Variants in MTUS2 observed in about 807,000 individuals in gnomAD.
MTUS2 encodes microtubule-associated tumor suppressor candidate 2.
MTUS2 carries 40 observed loss-of-function variants against 114.1 expected under a neutral mutation model. The ratio of observed to expected loss-of-function variants is 0.35; its 90% CI spans 0.27 to 0.46. The LOEUF (loss-of-function observed/expected upper bound fraction) is 0.46, where lower values mean the gene tolerates loss of function less well. Among genes scored for constraint, MTUS2 ranks in the 20% least tolerant of loss-of-function variants. The pLI is 1.00. For synonymous variants in MTUS2, 688 were observed against 672.0 expected, an observed-to-expected ratio of 1.02 and a Z score of -0.37; for missense variants, 1,679 against 1,705.4, an observed-to-expected ratio of 0.98 and a Z score of 0.27.
intron 6 of MTUS2, among the ~76,000 whole-genome samples, chr13:29,285,856 CA>C (rs1305573122): frequency 1.3e-5 from 2 of 152,076 alleles, no homozygotes; most frequent in Non-Finnish European, 2.9e-5. Context: ...GAAATTCAAA[CA>C]AAAATTCAAA....
chr13:28,940,947 A>G lies in MTUS2; in HGVS notation c.-242-83510A>G, dbSNP rs112224805. Among the ~76,000 whole-genome samples the G allele has an allele frequency of 8.2e-3, 1,245 of 152,240 alleles. 20 individuals are homozygous for G. The highest frequency in any genetic ancestry group is 0.027 in the African/African-American group (1,129 of 41,550). ...GTACCATAAAAACATTAACCCAAAA[A>G]AAGCTAGGGTAACTATACTGTTACC... is the stretch of plus-strand genomic sequence containing the variant. On this transcript the variant is annotated intron_variant, in intron 2 of 15. Transcript: ENST00000612955.
At chr13:28,841,268 G>C (rs1875461824) in intron 2 of MTUS2, among the ~76,000 whole-genome samples, 1 of 152,216 alleles carries the variant, frequency 6.6e-6, no homozygotes, top group Non-Finnish European at 1.5e-5. Context: ...AATACTTTGG[G>C]GCCAGATTTA....
chr13:29,047,674 C>T (rs4769673), intron 4 of MTUS2, among the ~76,000 whole-genome samples: 147,609 of 152,154 alleles, frequency 0.97, 71,627 homozygotes, highest in Non-Finnish European at 0.98. Context: ...CCACCTCGCC[C>T]GGCTAATTTT....
At chr13:28,966,743 A>C (rs893960310) in intron 2 of MTUS2, among the ~76,000 whole-genome samples, 10 of 151,670 alleles carry the variant, frequency 6.6e-5, no homozygotes, top group African/African-American at 1.7e-4. Context: ...AAAAAAAAAA[A>C]AAAAACAAAG....
At chr13:28,924,738 G>A (rs1020492640) in intron 2 of MTUS2, among the ~76,000 whole-genome samples, 1 of 152,166 alleles carries the variant, frequency 6.6e-6, no homozygotes, top group Admixed American at 6.5e-5. Context: ...CCTTGAAGCA[G>A]TGCCCAAGAC....
intron 8 of MTUS2, among the ~76,000 whole-genome samples, chr13:29,375,606 T>A (rs1467047242): frequency 0.029 from 132 of 4,514 alleles, 30 homozygotes; most frequent in East Asian, 0.21. Context: ...TATATATATA[T>A]ACGTATATAT....
At chr13:28,884,650 A>G (rs1353573197) in intron 2 of MTUS2, among the ~76,000 whole-genome samples, 1 of 152,234 alleles carries the variant, frequency 6.6e-6, no homozygotes, top group Non-Finnish European at 1.5e-5. Context: ...ATTTGAAGCT[A>G]GTGAAATCTG....
intron 4 of MTUS2, among the ~76,000 whole-genome samples, chr13:29,061,744 G>T (rs764307289): frequency 2.6e-5 from 4 of 152,164 alleles, no homozygotes; most frequent in Non-Finnish European, 4.4e-5. Context: ...GAGGATCATA[G>T]CCCTTTGCTG....
chr13:28,989,992 T>C (rs1451983481), intron 2 of MTUS2, among the ~76,000 whole-genome samples: 2 of 152,106 alleles, frequency 1.3e-5, no homozygotes, highest in East Asian at 3.9e-4. Context: ...CCTACCCTAC[T>C]TTCCTAACCA....
intron 3 of MTUS2, 37 bp downstream of exon 3, chr13:29,026,940 A>G (rs958150438): frequency 6.6e-7 from 1 of 1,516,240 alleles, no homozygotes; most frequent in Non-Finnish European, 8.8e-7. Context: ...CTATAAGTTG[A>G]CTGTCCCAAT....
At chr13:28,834,016 A>G (rs1874891846) in intron 1 of MTUS2, among the ~76,000 whole-genome samples, 1 of 143,066 alleles carries the variant, frequency 7.0e-6, no homozygotes, top group Non-Finnish European at 1.6e-5. Context: ...GTTAAAAGAA[A>G]TTAAAGATAA....
At chr13:29,212,595 A>C (rs1035602325) in intron 5 of MTUS2, among the ~76,000 whole-genome samples, 14 of 152,326 alleles carry the variant, frequency 9.2e-5, no homozygotes, top group African/African-American at 3.4e-4. Context: ...AGGTTCTCAC[A>C]ATCTTCTCCT....
At position 29,390,178 on chromosome 13, in the gene MTUS2, T is replaced by TG. The variant is rs1566175317; in HGVS notation, c.3117+30705_3117+30706insG. On this transcript the variant is annotated intron_variant, in intron 8 of 15. Transcript: ENST00000612955. ...CACACACACTTGTGTGTGTGTGTGTTTATGAATATATATTTTTTCTAATGG... is the reference window on the plus strand; with the variant it reads ...CACACACACTTGTGTGTGTGTGTGTTGTATGAATATATATTTTTTCTAATGG... Among the ~76,000 whole-genome samples the TG allele has an allele frequency of 3.3e-4, 44 of 131,612 alleles. 6 individuals are homozygous for TG. Among genetic ancestry groups the TG allele is most frequent in the East Asian group, 3.1e-3 (13 of 4,168 alleles). 86.3% of individuals were successfully genotyped at this position (131,612 alleles called of 152,430 possible).
intron 7 of MTUS2, among the ~76,000 whole-genome samples, chr13:29,341,417 T>A (rs1901390438): frequency 6.6e-6 from 1 of 152,174 alleles, no homozygotes; most frequent in African/African-American, 2.4e-5. Context: ...ATGATGAGCA[T>A]TTTTTCATGT....
intron 5 of MTUS2, among the ~76,000 whole-genome samples, chr13:29,270,630 T>C (rs1477935270): frequency 6.6e-6 from 1 of 152,188 alleles, no homozygotes; most frequent in Non-Finnish European, 1.5e-5. Flanking sequence ...GGAGGAACAA[T>C]GTGGACAGGC....
intron 2 of MTUS2, among the ~76,000 whole-genome samples, chr13:28,931,201 C>G (rs1881597423): frequency 6.6e-6 from 1 of 152,092 alleles, no homozygotes; most frequent in Admixed American, 6.6e-5. Context: ...GGTTCTGCAT[C>G]CGTGGATTCA....
At chr13:29,451,478 A>G (rs1175584607) in intron 9 of MTUS2, among the ~76,000 whole-genome samples, 1 of 152,224 alleles carries the variant, frequency 6.6e-6, no homozygotes, top group Non-Finnish European at 1.5e-5. Context: ...AACAATATTT[A>G]GAGGGCACCA....
At chr13:29,498,285 C>T in intron 13 of MTUS2, 133 bp from the exon 14 acceptor site, 1 of 1,275,526 alleles carries the variant, frequency 7.8e-7, no homozygotes, top group Non-Finnish European at 1.1e-6. Context: ...TGAGCATCCT[C>T]TCTCTTTGGT....
intron 6 of MTUS2, among the ~76,000 whole-genome samples, chr13:29,290,255 G>A (rs1397417832): frequency 6.6e-5 from 10 of 152,154 alleles, no homozygotes; most frequent in Admixed American, 6.6e-4. Context: ...CCTTTAAGGT[G>A]GGAGTCCTGA....
Sources: allele counts gnomAD v4.1 joint callset (sites outside exome capture counted in the v4.1 genomes callset), GRCh38; gene constraint gnomAD v4.1.1; transcripts MANE v1.5; gene names NCBI Gene and HGNC (gene_info 2026-07-23, HGNC 2026-07-21).